The following XPR1 variants were observed in gnomAD, a reference collection of about 807,000 sequenced individuals.
XPR1 encodes solute carrier family 53 member 1.
A neutral mutation model predicts 87.5 loss-of-function variants in XPR1; 28 were observed. The observed-to-expected ratio is 0.32, with a 90% CI of 0.24 to 0.44. The LOEUF (loss-of-function observed/expected upper bound fraction) is 0.44, where lower values mean the gene tolerates loss of function less well. Among genes scored for constraint, XPR1 ranks in the 20% least tolerant of loss-of-function variants. The pLI, the probability that XPR1 is intolerant of heterozygous loss-of-function variation, is 1.00. For synonymous variants in XPR1, 300 were observed against 306.1 expected (o/e 0.98, Z 0.21); for missense variants, 559 against 862.3 (o/e 0.65, Z 4.41).
Position 180,751,529 on chromosome 1 carries a change from A to G in XPR1, c.122-36224A>G, listed in dbSNP as rs77323688. Among the ~76,000 whole-genome samples, 68 of 152,194 alleles carry G rather than the reference A, an allele frequency of 4.5e-4. No homozygotes were observed. The East Asian group carries it at 6.4e-3, about 14-fold the overall frequency. ...TTTGAAGCCATATCTTTTATCTACT[A>G]CTGTTTAAAAACTTAAGGCAAATAT... On this transcript the variant is annotated intron_variant, in intron 2 of 14. Transcript: ENST00000367590.
chr1:180,638,253 T>A (rs1224315993), intron 1 of XPR1, among the ~76,000 whole-genome samples: 2 of 152,238 alleles, frequency 1.3e-5, no homozygotes, highest in Non-Finnish European at 2.9e-5. Context: ...AATTTTGTTT[T>A]ACATTGTACA....
chr1:180,686,692 G>T (rs191762828), intron 2 of XPR1, among the ~76,000 whole-genome samples: 14 of 152,114 alleles, frequency 9.2e-5, no homozygotes, highest in Non-Finnish European at 1.3e-4. Context: ...TAAGTTGGAT[G>T]TACAGAATAA....
chr1:180,816,291 G>T (rs904415373), intron 7 of XPR1, among the ~76,000 whole-genome samples: 20 of 152,190 alleles, frequency 1.3e-4, no homozygotes, highest in Admixed American at 1.2e-3. Context: ...CCCATGCGCA[G>T]CTCACAATAG....
chr1:180,770,033 T>G (rs1648449596), intron 2 of XPR1, among the ~76,000 whole-genome samples: 1 of 152,200 alleles, frequency 6.6e-6, no homozygotes, highest in Non-Finnish European at 1.5e-5. Flanking sequence ...CTTATTACTG[T>G]GTTTATACAT....
intron 1 of XPR1, among the ~76,000 whole-genome samples, chr1:180,678,724 A>G (rs1379569791): frequency 6.6e-6 from 1 of 152,210 alleles, no homozygotes; most frequent in Non-Finnish European, 1.5e-5. Context: ...TTTACTGTAT[A>G]TTATTAGGCC....
intron 2 of XPR1, among the ~76,000 whole-genome samples, chr1:180,726,965 C>T (rs1035786899): frequency 2.6e-5 from 4 of 151,788 alleles, no homozygotes; most frequent in African/African-American, 9.7e-5. Context: ...AGCTCCGCCT[C>T]CTGGGTTCAC....
At chr1:180,760,033 TGC>T (rs1206368700) in intron 2 of XPR1, among the ~76,000 whole-genome samples, 1 of 152,170 alleles carries the variant, frequency 6.6e-6, no homozygotes, top group Non-Finnish European at 1.5e-5. Flanking sequence ...TCTCAATAGA[TGC>T]AGAAAAGGCC....
rs1245532384 is a variant in XPR1, at chr1:180,806,564, A to G, written c.681+7A>G. 6.2e-7 allele frequency: 1 copy of G among 1,608,016 alleles called. No individual in the cohort carries two copies. On this transcript the variant is annotated splice_region_variant and intron_variant, in intron 6 of 14. Coordinates refer to ENST00000367590, the MANE Select transcript of XPR1 (RefSeq NM_004736.4). ...CCCTTTGGGAGCTGCTCAGGTTAGT[A>G]TTTGGTTCCAGTAGTTTGTTTGGTT...
intron 1 of XPR1, among the ~76,000 whole-genome samples, chr1:180,652,628 T>A (rs940400161): frequency 6.6e-6 from 1 of 152,232 alleles, no homozygotes; most frequent in South Asian, 2.1e-4. Flanking sequence ...GAAATTATAA[T>A]ATTTTCCTTT....
rs994780324 is a variant in XPR1, at chr1:180,655,400, CT to C, written c.69+23148del. On this transcript the variant is annotated intron_variant, in intron 1 of 14. Transcript: ENST00000367590. ...TTCTGTTGATAGTCTCTCTCTCTCT[CT>C]TTTTTTTTTTTTTTTTTGAGACAGG... 3.6e-3 allele frequency among the ~76,000 whole-genome samples: 470 copies of C among 131,408 alleles called. 3 individuals carry two copies. Among genetic ancestry groups the C allele is most frequent in the African/African-American group, 9.8e-3 (342 of 35,026 alleles). 86.2% of individuals were successfully genotyped at this position (131,408 alleles called of 152,430 possible). A position where few individuals can be genotyped will look rare whatever the true frequency, so the allele number is the denominator to read the frequency against.
At chr1:180,882,642 C>T (rs954576911) in intron 14 of XPR1, among the ~76,000 whole-genome samples, 5 of 152,342 alleles carry the variant, frequency 3.3e-5, no homozygotes, top group African/African-American at 1.2e-4. Flanking sequence ...AGGCAAGAGC[C>T]ACCACACTCA....
intron 2 of XPR1, among the ~76,000 whole-genome samples, chr1:180,732,885 T>C (rs767934372): frequency 1.3e-5 from 2 of 152,142 alleles, no homozygotes; most frequent in Non-Finnish European, 2.9e-5. Flanking sequence ...TTTGATTGAG[T>C]GGAGGTAGCC....
At chr1:180,733,156 A>G (rs574476679) in intron 2 of XPR1, among the ~76,000 whole-genome samples, 8 of 152,270 alleles carry the variant, frequency 5.3e-5, no homozygotes, top group South Asian at 2.1e-4. Context: ...AGGGGTTTCT[A>G]TAGGCACTGG....
chr1:180,889,739 G>T lies in XPR1; in HGVS notation c.*5673G>T, dbSNP rs902584641. ...GTATCAATGAAGAGTATTTAGGAGG[G>T]GAATAGGGGGAAAATTGTATTTTTC... On this transcript the variant is annotated 3_prime_UTR_variant, in exon 15 of 15. Coordinates refer to ENST00000367590, the MANE Select transcript of XPR1 (RefSeq NM_004736.4). 6.6e-6 allele frequency: 1 copy of T among 152,146 alleles called. No homozygotes were observed. Among genetic ancestry groups the T allele is most frequent in the Non-Finnish European group, 1.5e-5 (1 of 68,026 alleles). The allele number at this position is 152,146 out of a possible 1,614,324, so 9.4% of individuals were successfully genotyped here. A position where few individuals can be genotyped will look rare whatever the true frequency, so the allele number is the denominator to read the frequency against.
rs542882395 is a variant in XPR1 at position 180,637,282 on chromosome 1, T to C, written c.69+5012T>C. On this transcript the variant is annotated intron_variant, in intron 1 of 14. Coordinates refer to ENST00000367590, the MANE Select transcript of XPR1 (RefSeq NM_004736.4). ...TGGCAGATAATCATTAATCCAGTTA[T>C]GGGTGCATAATTAAATGAATCTATA... is the stretch of plus-strand genomic sequence containing the variant. Among the ~76,000 whole-genome samples, 268 of 152,324 alleles carry C rather than the reference T, an allele frequency of 1.8e-3. 1 individual carries two copies. The highest frequency in any genetic ancestry group is 5.4e-3 in the African/African-American group (225 of 41,574).
intron 2 of XPR1, among the ~76,000 whole-genome samples, chr1:180,775,965 C>A (rs1234091110): frequency 2.6e-5 from 4 of 152,022 alleles, no homozygotes; most frequent in Non-Finnish European, 2.9e-5. Flanking sequence ...ATTGCCTTTC[C>A]TTGACTTTAT....
intron 9 of XPR1, among the ~76,000 whole-genome samples, chr1:180,834,201 C>A (rs190819353): frequency 2.2e-4 from 34 of 152,108 alleles, no homozygotes; most frequent in Non-Finnish European, 4.6e-4. Context: ...CTTGTCTCAG[C>A]CTCCCAAGTA....
intron 3 of XPR1, 94 bp downstream of exon 3, chr1:180,787,948 G>A: frequency 1.0e-6 from 1 of 981,690 alleles, no homozygotes. Flanking sequence ...TTTAAATTGA[G>A]TCTTGTTTTC....
intron 3 of XPR1, among the ~76,000 whole-genome samples, chr1:180,794,441 A>C (rs1649498857): frequency 6.6e-6 from 1 of 152,224 alleles, no homozygotes; most frequent in African/African-American, 2.4e-5. Flanking sequence ...AGAATATAGT[A>C]GAATAGAAAG....
Sources: gnomAD v4.1 joint callset for allele counts (sites outside exome capture counted in the v4.1 genomes callset) on GRCh38, gnomAD v4.1.1 for gene constraint, MANE v1.5 for transcripts, NCBI Gene and HGNC (gene_info 2026-07-23, HGNC 2026-07-21) for gene names.